The following MCPH1 variants were observed in gnomAD, a reference collection of about 807,000 sequenced individuals.
The protein encoded by MCPH1 is microcephalin 1.
A neutral mutation model predicts 84.5 loss-of-function variants in MCPH1; 104 were observed. The ratio of observed to expected loss-of-function variants is 1.23; its 90% CI spans 1.05 to 1.45. MCPH1 has a LOEUF of 1.45. Ranked by LOEUF, MCPH1 falls within the 40% of genes most tolerant of loss-of-function variation. The pLI is 0.00. For synonymous variants in MCPH1, 514 were observed against 366.8 expected (o/e 1.40, Z -4.58); for missense variants, 1,498 against 1,005.7 (o/e 1.49, Z -6.62).
intron 12 of MCPH1, among the ~76,000 whole-genome samples, chr8:6,612,634 A>C (rs1377210363): frequency 6.6e-6 from 1 of 152,298 alleles, no homozygotes; most frequent in East Asian, 1.9e-4. Context: ...CTCTCTGCCC[A>C]GCTGGCTGGC....
At chr8:6,425,282 G>T (rs75161565) in intron 3 of MCPH1, among the ~76,000 whole-genome samples, 3,778 of 152,226 alleles carry the variant, frequency 0.025, 78 homozygotes, top group African/African-American at 0.049. Context: ...AACACTTTTC[G>T]TTTTGACCAC....
At chr8:6,520,076 G>C in intron 12 of MCPH1, 1 of 1,487,998 alleles carries the variant, frequency 6.7e-7, no homozygotes, top group Non-Finnish European at 9.1e-7. Flanking sequence ...CATTTGGTGA[G>C]TTTTATTACT....
intron 9 of MCPH1, among the ~76,000 whole-genome samples, chr8:6,463,580 G>T (rs1430995031): frequency 3.9e-5 from 6 of 152,100 alleles, no homozygotes; most frequent in Non-Finnish European, 8.8e-5. Flanking sequence ...TCCCAGTGGT[G>T]GGAATAAAAA....
At chr8:6,523,411 A>G (rs2515449) in intron 12 of MCPH1, among the ~76,000 whole-genome samples, 11,431 of 152,286 alleles carry the variant, frequency 0.075, 520 homozygotes, top group African/African-American at 0.12. Context: ...ATAAACATAC[A>G]TTGCTATAAA....
Position 6,575,479 on chromosome 8 carries a change from G to T in MCPH1, c.2215-45975G>T, listed in dbSNP as rs551868583. ...AAGACCCAGGGTGGTCAGTAAAAAG[G>T]TCCTACGTGGTGTCTATACAATGTT... On this transcript the variant is annotated intron_variant, in intron 12 of 13. Coordinates refer to ENST00000344683, the MANE Select transcript of MCPH1 (RefSeq NM_024596.5). Among the ~76,000 whole-genome samples the T allele has an allele frequency of 2.5e-4, 38 of 152,310 alleles. 1 individual carries two copies. In the South Asian group the frequency reaches 7.9e-3, roughly 32 times the overall value.
intron 12 of MCPH1, among the ~76,000 whole-genome samples, chr8:6,542,214 T>C (rs1450197392): frequency 1.3e-5 from 2 of 152,202 alleles, no homozygotes; most frequent in Non-Finnish European, 2.9e-5. Context: ...CTCAGTGTTT[T>C]TCTATGCCAA....
chr8:6,533,954 G>C (rs1238968837), intron 12 of MCPH1, among the ~76,000 whole-genome samples: 1 of 152,136 alleles, frequency 6.6e-6, no homozygotes, highest in Non-Finnish European at 1.5e-5. Context: ...ACTGGTATCA[G>C]ATGGTTTTAG....
intron 10 of MCPH1, among the ~76,000 whole-genome samples, chr8:6,479,765 G>A (rs930611128): frequency 5.9e-5 from 9 of 152,138 alleles, no homozygotes; most frequent in African/African-American, 2.2e-4. Flanking sequence ...AGGGAAGAAA[G>A]AACTGAGGGT....
chr8:6,465,111 A>G (rs1806713732), intron 9 of MCPH1, among the ~76,000 whole-genome samples: 1 of 152,200 alleles, frequency 6.6e-6, no homozygotes, highest in Admixed American at 6.5e-5. Flanking sequence ...GGTCTATCTT[A>G]CTATCTGCAC....
At chr8:6,592,717 C>G (rs1828596543) in intron 12 of MCPH1, among the ~76,000 whole-genome samples, 1 of 146,638 alleles carries the variant, frequency 6.8e-6, no homozygotes, top group Non-Finnish European at 1.5e-5. Flanking sequence ...TGCAGTGGCG[C>G]TCTGTGGGCT....
intron 12 of MCPH1, among the ~76,000 whole-genome samples, chr8:6,581,785 A>G (rs1244690405): frequency 6.6e-6 from 1 of 152,160 alleles, no homozygotes; most frequent in Non-Finnish European, 1.5e-5. Context: ...TTTATTTCTC[A>G]CAGTTCTGGA....
At chr8:6,441,116 C>T (rs1306832054) in intron 6 of MCPH1, among the ~76,000 whole-genome samples, 1 of 152,130 alleles carries the variant, frequency 6.6e-6, no homozygotes, top group Non-Finnish European at 1.5e-5. Context: ...GCAAGCAAGA[C>T]TGAAATGTAG....
Position 6,547,951 on chromosome 8 carries a change from C to T in MCPH1, c.2214+48022C>T, listed in dbSNP as rs111233592. 6.0e-3 allele frequency among the ~76,000 whole-genome samples: 904 copies of T among 151,330 alleles called. 7 individuals carry two copies. Among genetic ancestry groups the T allele is most frequent in the African/African-American group, 0.02 (839 of 41,172 alleles). On this transcript the variant is annotated intron_variant, in intron 12 of 13. Transcript: ENST00000344683. ...TCTCTAGTTTGGGTTATGACTCCTA[C>T]GAGCCAGTTTAATTTTATCAGTGGC...
intron 11 of MCPH1, among the ~76,000 whole-genome samples, chr8:6,482,253 A>G: frequency 6.6e-6 from 1 of 152,212 alleles, no homozygotes; most frequent in Non-Finnish European, 1.5e-5. Flanking sequence ...CTTAATATGG[A>G]AAGAAAAATG....
chr8:6,507,454 A>C (rs1254383423), intron 12 of MCPH1: 2 of 152,138 alleles, frequency 1.3e-5, no homozygotes, highest in African/African-American at 4.8e-5. Flanking sequence ...AGTGTTTTTC[A>C]AGAACTAACT....
At chr8:6,429,372 C>T (rs1054222796) in intron 3 of MCPH1, among the ~76,000 whole-genome samples, 2 of 152,058 alleles carry the variant, frequency 1.3e-5, no homozygotes, top group African/African-American at 4.8e-5. Context: ...TCCCTCTTTT[C>T]AGCCTTCCAC....
chr8:6,428,500 C>G (rs943114560), intron 3 of MCPH1, among the ~76,000 whole-genome samples: 3 of 152,234 alleles, frequency 2.0e-5, no homozygotes, highest in Admixed American at 6.5e-5. Context: ...ATGAAACTTG[C>G]ACCCCTTAGC....
intron 8 of MCPH1, among the ~76,000 whole-genome samples, chr8:6,447,750 C>A (rs982485175): frequency 6.6e-6 from 1 of 152,142 alleles, no homozygotes; most frequent in African/African-American, 2.4e-5. Context: ...TGGGGTTTCA[C>A]GTCTTGGCCA....
At chr8:6,426,902 T>C (rs892952263) in intron 3 of MCPH1, among the ~76,000 whole-genome samples, 3 of 152,196 alleles carry the variant, frequency 2.0e-5, no homozygotes, top group Non-Finnish European at 2.9e-5. Flanking sequence ...TACAATTCAG[T>C]GGTTTTAAAT....
Sources: allele counts gnomAD v4.1 joint callset (sites outside exome capture counted in the v4.1 genomes callset), GRCh38; gene constraint gnomAD v4.1.1; transcripts MANE v1.5; gene names NCBI Gene and HGNC (gene_info 2026-07-23, HGNC 2026-07-21).